The following RHBDD1 variants were observed in gnomAD, a reference collection of about 807,000 sequenced individuals.
The protein encoded by RHBDD1 is rhomboid domain containing 1, also known as rhomboid-related protein 4.
A neutral mutation model predicts 36.3 loss-of-function variants in RHBDD1; 38 were observed. That is an observed-to-expected ratio of 1.05 (90% CI 0.81 to 1.37). The LOEUF (loss-of-function observed/expected upper bound fraction) is 1.37, where lower values mean the gene tolerates loss of function less well. RHBDD1 is among the 40% of genes most tolerant of loss of function. The probability of loss-of-function intolerance (pLI) is 0.00; values close to 1 mark genes in which losing one functional copy is unlikely to be tolerated. For synonymous variants in RHBDD1, 151 were observed against 136.5 expected (o/e 1.11, Z -0.74); for missense variants, 393 against 377.6 (o/e 1.04, Z -0.34).
At chr2:226,890,235 T>C (rs1946573420) in intron 5 of RHBDD1, among the ~76,000 whole-genome samples, 1 of 152,230 alleles carries the variant, frequency 6.6e-6, no homozygotes, top group Admixed American at 6.5e-5. Flanking sequence ...TTAAAAATAG[T>C]GTGTCTGTTT....
chr2:226,916,488 G>T (rs370077845), intron 8 of RHBDD1, among the ~76,000 whole-genome samples: 3 of 152,234 alleles, frequency 2.0e-5, no homozygotes, highest in East Asian at 3.9e-4. Flanking sequence ...GTAGGGCAGG[G>T]CAAAACTTCT....
intron 5 of RHBDD1, among the ~76,000 whole-genome samples, chr2:226,905,490 C>T (rs752570259): frequency 2.0e-5 from 3 of 152,140 alleles, no homozygotes; most frequent in East Asian, 1.9e-4. Context: ...CACCCTCTGA[C>T]TTTGCAGAGA....
chr2:226,957,988 G>A (rs36085095), intron 8 of RHBDD1, among the ~76,000 whole-genome samples: 3,585 of 152,228 alleles, frequency 0.024, 53 homozygotes, highest in Non-Finnish European at 0.038. Flanking sequence ...TAGTCTGGCA[G>A]TTCCTCAGAA....
intron 5 of RHBDD1, among the ~76,000 whole-genome samples, chr2:226,893,778 G>T (rs1213874140): frequency 2.0e-5 from 3 of 152,140 alleles, no homozygotes; most frequent in Admixed American, 2.0e-4. Context: ...CATTTGGGGT[G>T]CAGGGGCCAA....
intron 8 of RHBDD1, among the ~76,000 whole-genome samples, chr2:226,975,232 C>T (rs941009979): frequency 1.3e-5 from 2 of 152,068 alleles, no homozygotes; most frequent in African/African-American, 2.4e-5. Context: ...AAGGTGGAAT[C>T]GATGCCCCTG....
At chr2:226,813,678 A>G in the RHBDD1 span, among the ~76,000 whole-genome samples, 1 of 152,222 alleles carries the variant, frequency 6.6e-6, no homozygotes, top group South Asian at 2.1e-4. Context: ...AGGAATAGTA[A>G]TAGTATCACA....
chr2:226,915,080 C>T (rs142829735), intron 8 of RHBDD1, among the ~76,000 whole-genome samples: 2 of 152,136 alleles, frequency 1.3e-5, no homozygotes, highest in East Asian at 3.9e-4. Context: ...AAAAAGTTAA[C>T]AATCTGTGTT....
intron 8 of RHBDD1, among the ~76,000 whole-genome samples, chr2:226,972,854 A>G (rs1276799461): frequency 6.6e-6 from 1 of 151,774 alleles, no homozygotes; most frequent in Non-Finnish European, 1.5e-5. Context: ...TAAGTACACA[A>G]GTTACCACAT....
chr2:226,909,040 G>A (rs115976374), intron 7 of RHBDD1, among the ~76,000 whole-genome samples, 162 bp downstream of exon 7: 297 of 152,242 alleles, frequency 2.0e-3, no homozygotes, highest in African/African-American at 6.4e-3. Context: ...ATGGAGGGTA[G>A]CCTAGGGAGC....
At position 226,997,704 on chromosome 2, in the gene RHBDD1, G is replaced by T. The variant is rs1959792263; in HGVS notation, c.*2182G>T. 6.6e-6 allele frequency: 1 copy of T among 152,218 alleles called. No homozygotes were observed. The highest frequency in any genetic ancestry group is 1.5e-5 in the Non-Finnish European group (1 of 68,038). The allele number at this position is 152,218 out of a possible 1,614,324, so 9.4% of individuals were successfully genotyped here. A position where few individuals can be genotyped will look rare whatever the true frequency, so the allele number is the denominator to read the frequency against. ...TGACTTGTCAGATACAAAGACACGG[G>T]ATTAGATTTTGGGTGGTAAAATTGT... On this transcript the variant is annotated 3_prime_UTR_variant, in exon 9 of 9. Coordinates refer to ENST00000392062, the MANE Select transcript of RHBDD1 (RefSeq NM_001167608.3).
intron 6 of RHBDD1, among the ~76,000 whole-genome samples, chr2:226,907,725 G>A (rs575515278): frequency 2.2e-4 from 34 of 152,288 alleles, no homozygotes; most frequent in Admixed American, 1.7e-3. Context: ...TTAGCAGGTC[G>A]TGTTCACTTT....
intron 5 of RHBDD1, among the ~76,000 whole-genome samples, chr2:226,872,315 A>T (rs1002926484): frequency 3.3e-5 from 5 of 152,228 alleles, no homozygotes; most frequent in East Asian, 3.8e-4. Flanking sequence ...CCATACAAAT[A>T]ATATAATATT....
intron 5 of RHBDD1, chr2:226,895,578 G>A (rs1306683722): frequency 3.0e-6 from 2 of 667,472 alleles, no homozygotes; most frequent in Non-Finnish European, 3.7e-6. Context: ...AATTAAGGGA[G>A]TCGGGGGAGA....
chr2:226,906,905 A>G (rs372150724), intron 6 of RHBDD1, 24 bp downstream of exon 6: 15 of 1,609,930 alleles, frequency 9.3e-6, no homozygotes, highest in Admixed American at 5.0e-5. Flanking sequence ...CACCTTTGGC[A>G]TGACAACAGC....
chr2:226,816,364 G>A, the RHBDD1 span, among the ~76,000 whole-genome samples: 2 of 136,966 alleles, frequency 1.5e-5, no homozygotes, highest in East Asian at 2.0e-4. Context: ...AGAATAGTAT[G>A]GGAATGGTGG....
At chr2:226,894,109 G>A (rs1208507383) in intron 5 of RHBDD1, among the ~76,000 whole-genome samples, 5 of 152,062 alleles carry the variant, frequency 3.3e-5, no homozygotes, top group Admixed American at 6.6e-5. Flanking sequence ...CATTACCCAC[G>A]GAACCTTGAA....
At chr2:226,835,375 C>T (rs1185543658), upstream of RHBDD1, among the ~76,000 whole-genome samples, 1 of 152,172 alleles carries the variant, frequency 6.6e-6, no homozygotes, top group African/African-American at 2.4e-5. Flanking sequence ...TATGAAACAC[C>T]TAAAGCCCTC....
Position 226,931,545 on chromosome 2 carries a change from T to G in RHBDD1, c.856+17194T>G, listed in dbSNP as rs533817918. 1.8e-4 allele frequency among the ~76,000 whole-genome samples: 27 copies of G among 152,172 alleles called. 1 individual carries two copies. Among genetic ancestry groups the G allele is most frequent in the Non-Finnish European group, 2.9e-4 (20 of 67,950 alleles). On this transcript the variant is annotated intron_variant, in intron 8 of 8. Coordinates refer to ENST00000392062, the MANE Select transcript of RHBDD1 (RefSeq NM_001167608.3). ...TAAAAAGCCTACATATTGGATACAATGTACACTACTTGGGTGATGAGTGCA... is the reference window on the plus strand; with the variant it reads ...TAAAAAGCCTACATATTGGATACAAGGTACACTACTTGGGTGATGAGTGCA...
chr2:226,878,225 C>T (rs888079193), intron 5 of RHBDD1, among the ~76,000 whole-genome samples: 1 of 151,050 alleles, frequency 6.6e-6, no homozygotes, highest in Non-Finnish European at 1.5e-5. Context: ...GAGAGGGAAG[C>T]AGTAGAATAT....
Sources: gnomAD v4.1 joint callset for allele counts (sites outside exome capture counted in the v4.1 genomes callset) on GRCh38, gnomAD v4.1.1 for gene constraint, MANE v1.5 for transcripts, NCBI Gene and HGNC (gene_info 2026-07-23, HGNC 2026-07-21) for gene names.